MYO5A: variants seen among roughly 807,000 people sequenced by gnomAD.
MYO5A encodes the protein myosin VA.
A neutral mutation model predicts 249.7 loss-of-function variants in MYO5A; 98 were observed. That is an observed-to-expected ratio of 0.39 (90% CI 0.33 to 0.46). The LOEUF is 0.46. Among genes scored for constraint, MYO5A ranks in the 20% least tolerant of loss-of-function variants. The pLI is 0.98. For missense variants in MYO5A, 1,696 were observed against 2,308.8 expected, an observed-to-expected ratio of 0.73 and a Z score of 5.44; for synonymous variants, 778 against 810.6, an observed-to-expected ratio of 0.96 and a Z score of 0.68.
At chr15:52,515,999 G>A (rs1047513036) in intron 1 of MYO5A, among the ~76,000 whole-genome samples, 9 of 152,100 alleles carry the variant, frequency 5.9e-5, no homozygotes, top group East Asian at 1.9e-4. Context: ...ACTAAATACC[G>A]GTCACTATTC....
At chr15:52,398,262 C>A (rs2042576083) in intron 9 of MYO5A, among the ~76,000 whole-genome samples, 1 of 152,184 alleles carries the variant, frequency 6.6e-6, no homozygotes, top group African/African-American at 2.4e-5. Flanking sequence ...CCATGATTTA[C>A]ATATCCCTGT....
intron 19 of MYO5A, 104 bp from the exon 20 acceptor site, chr15:52,375,564 C>A: frequency 2.6e-6 from 3 of 1,158,130 alleles, no homozygotes; most frequent in East Asian, 2.5e-5. Context: ...ATAAATAGTA[C>A]CTCCATTGTA....
chr15:52,379,654 A>G lies in MYO5A; in HGVS notation c.2179T>C (p.Cys727Arg). The G allele has an allele frequency of 1.2e-6, 2 of 1,614,158 alleles. No individual in the cohort carries two copies. The highest frequency in any genetic ancestry group is 1.7e-6 in the Non-Finnish European group (2 of 1,179,986). ...ATCAGTTTCTCTAACACATTCTTGC[A>G]TGTTTGCTTTCTGTCACTCAGCACA... ...KDVLSDRKQT[C>R]KNVLEKLILD... Residue 727 changes from cysteine to arginine, a missense_variant, in exon 18 of 42, where the codon TGC becomes CGC. By Grantham distance (180) the Cys-to-Arg change is radical. This residue lies in a region of MYO5A where 277 missense variants were observed against 422.4 expected (regional missense o/e 0.66). Transcript: ENST00000399233.
At chr15:52,337,343 G>T (rs140993654) in intron 33 of MYO5A, among the ~76,000 whole-genome samples, 1 of 152,266 alleles carries the variant, frequency 6.6e-6, no homozygotes, top group African/African-American at 2.4e-5. Flanking sequence ...CAATCAAAAA[G>T]AAAGTGGACA....
intron 1 of MYO5A, among the ~76,000 whole-genome samples, chr15:52,453,351 G>A (rs2076056997): frequency 6.6e-6 from 1 of 152,050 alleles, no homozygotes. Flanking sequence ...CTTCAAACAT[G>A]AAGGAGAGAT....
chr15:52,428,209 T>A (rs2075440173), intron 3 of MYO5A, among the ~76,000 whole-genome samples, 189 bp downstream of exon 3: 1 of 152,156 alleles, frequency 6.6e-6, no homozygotes, highest in Non-Finnish European at 1.5e-5. Flanking sequence ...TTAGCAAAAT[T>A]ATGTAAGGTC....
intron 6 of MYO5A, among the ~76,000 whole-genome samples, 180 bp from the exon 7 acceptor site, chr15:52,408,320 G>A (rs2043099111): frequency 6.6e-6 from 1 of 152,028 alleles, no homozygotes; most frequent in Non-Finnish European, 1.5e-5. Context: ...ATATGCATAT[G>A]TATGAGTATG....
At chr15:52,442,527 A>C (rs1263146298) in intron 1 of MYO5A, among the ~76,000 whole-genome samples, 3 of 152,148 alleles carry the variant, frequency 2.0e-5, no homozygotes, top group Non-Finnish European at 1.5e-5. Context: ...GCTTATAAGG[A>C]ACCAGAGCTA....
chr15:52,485,380 G>A (rs2076798499), intron 1 of MYO5A, among the ~76,000 whole-genome samples: 1 of 151,914 alleles, frequency 6.6e-6, no homozygotes, highest in African/African-American at 2.4e-5. Context: ...TTGGAATTAA[G>A]GGGACAATTA....
At chr15:52,347,700 C>T (rs1245884550) in intron 29 of MYO5A, among the ~76,000 whole-genome samples, 1 of 152,146 alleles carries the variant, frequency 6.6e-6, no homozygotes, top group African/African-American at 2.4e-5. Context: ...TTTATAAATG[C>T]TTCCTCTGAG....
chr15:52,398,413 G>A (rs1004125158), intron 9 of MYO5A, among the ~76,000 whole-genome samples: 1 of 152,166 alleles, frequency 6.6e-6, no homozygotes, highest in Non-Finnish European at 1.5e-5. Flanking sequence ...CTGGGGCATA[G>A]GGAGGGTGAA....
intron 39 of MYO5A, among the ~76,000 whole-genome samples, chr15:52,317,843 C>T (rs2038099886): frequency 2.0e-5 from 3 of 152,178 alleles, no homozygotes; most frequent in Admixed American, 1.3e-4. Context: ...GTAGGTTTCA[C>T]AAAATAGCCA....
rs777946495 is a variant in MYO5A, at chr15:52,340,382, G to C, written c.4053C>G (p.Ser1351=). The part of the protein sequence containing the change: ...GLKQANRLLE[S]QLQSQKRSHE... ...GGCTCCTCTTCTGTGACTGCAGCTG[G>C]GATTCCAGGAGCCTGCGGAGAGGAC... The change falls in exon 32 of 42, where the codon TCC becomes TCG. Residue 1351 remains serine, a synonymous_variant. Coordinates refer to ENST00000399233, the MANE Select transcript of MYO5A (RefSeq NM_001382347.1). 6.2e-7 allele frequency: 1 copy of C among 1,612,522 alleles called. No individual in the cohort carries two copies. The highest frequency in any genetic ancestry group is 8.5e-7 in the Non-Finnish European group (1 of 1,179,998).
At chr15:52,387,682 G>C (rs771084769) in intron 14 of MYO5A, 147 bp downstream of exon 14, 1 of 645,116 alleles carries the variant, frequency 1.6e-6, no homozygotes, top group Non-Finnish European at 2.7e-6. Flanking sequence ...CTGACATGCA[G>C]CTAAATTACT....
Position 52,313,285 on chromosome 15 carries a change from G to C in MYO5A, c.*411C>G, listed in dbSNP as rs1177324724. 4.1e-6 allele frequency: 1 copy of C among 246,692 alleles called. No homozygotes were observed. The allele number at this position is 246,692 out of a possible 1,614,324, so 15.3% of individuals were successfully genotyped here. A position where few individuals can be genotyped will look rare whatever the true frequency, so the allele number is the denominator to read the frequency against. On this transcript the variant is annotated 3_prime_UTR_variant, in exon 42 of 42. Coordinates refer to ENST00000399233, the MANE Select transcript of MYO5A (RefSeq NM_001382347.1). ...ACTTTTCTTTCCATTCTCCTGTTTA[G>C]TGCAGAGGAGGTTCTTTGGTGCCTT...
intron 1 of MYO5A, among the ~76,000 whole-genome samples, chr15:52,480,067 C>T (rs965131074): frequency 2.0e-5 from 3 of 152,170 alleles, no homozygotes; most frequent in Admixed American, 6.5e-5. Flanking sequence ...ACCCTACATC[C>T]CCACCTAGCA....
chr15:52,482,659 A>G (rs1242484641), intron 1 of MYO5A, among the ~76,000 whole-genome samples: 2 of 152,082 alleles, frequency 1.3e-5, no homozygotes, highest in African/African-American at 4.8e-5. Flanking sequence ...TTTTTTTAAT[A>G]AAAGGTAAGA....
chr15:52,510,960 G>A (rs2077378401), intron 1 of MYO5A, among the ~76,000 whole-genome samples: 3 of 152,222 alleles, frequency 2.0e-5, no homozygotes, highest in Non-Finnish European at 2.9e-5. Flanking sequence ...AACCAGCTAA[G>A]CTGTACTATA....
At chr15:52,460,444 AGACCAGCCC>A (rs2076224152) in intron 1 of MYO5A, among the ~76,000 whole-genome samples, 1 of 152,246 alleles carries the variant, frequency 6.6e-6, no homozygotes, top group African/African-American at 2.4e-5. Flanking sequence ...CAGGAGCTGG[AGACCAGCCC>A]GGCCAACACG....
Sources: gnomAD v4.1 joint callset for allele counts (sites outside exome capture counted in the v4.1 genomes callset) on GRCh38, gnomAD v4.1.1 for gene constraint, gnomAD v4.1.1 regional missense constraint, MANE v1.5 for transcripts, NCBI Gene and HGNC (gene_info 2026-07-23, HGNC 2026-07-21) for gene names.